Variants in LRRIQ3 observed in about 807,000 individuals in gnomAD.
LRRIQ3 encodes the protein leucine rich repeats and IQ motif containing 3, also known as leucine-rich repeat and IQ domain-containing protein 3.
Under a neutral mutation model 59.3 loss-of-function variants are expected in LRRIQ3, and 75 were observed. The observed-to-expected ratio is 1.26, with a 90% CI of 1.05 to 1.53. The LOEUF is 1.53. LRRIQ3 is among the 40% of genes most tolerant of loss of function. The pLI is 0.00. For synonymous variants in LRRIQ3, 250 were observed against 231.3 expected, an observed-to-expected ratio of 1.08 and a Z score of -0.73; for missense variants, 831 against 710.0, an observed-to-expected ratio of 1.17 and a Z score of -1.94.
At chr1:74,151,698 C>A (rs1258023699) in intron 4 of LRRIQ3, among the ~76,000 whole-genome samples, 2 of 152,014 alleles carry the variant, frequency 1.3e-5, no homozygotes, top group Non-Finnish European at 2.9e-5. Flanking sequence ...CAAAACTAAC[C>A]AGCCAAAACT....
chr1:74,135,883 A>G (rs929163783), intron 4 of LRRIQ3, among the ~76,000 whole-genome samples: 1 of 151,862 alleles, frequency 6.6e-6, no homozygotes, highest in Non-Finnish European at 1.5e-5. Flanking sequence ...GCAAGATTGA[A>G]GGAATAAATA....
In LRRIQ3 at chr1:74,074,670, T is replaced by C; in HGVS notation, c.988A>G (p.Ile330Val). 1 of 1,317,980 alleles carries C rather than the reference T, an allele frequency of 7.6e-7. No individual in the cohort carries two copies. 81.6% of individuals were successfully genotyped at this position (1,317,980 alleles called of 1,614,324 possible). Reference protein sequence around the residue: ...GMKSKTSRHLIQKGQESEDEI... With the variant: ...GMKSKTSRHLVQKGQESEDEI... ...AATTCATATAACTAACCTTTTTGAA[T>C]GAGATGTCTTGATGTTTTTGATTTC... Residue 330 changes from isoleucine to valine, a missense_variant, in exon 6 of 8, where the codon ATT (isoleucine) becomes GTT (valine). Ile to Val is a conservative substitution (Grantham distance 29). Coordinates refer to ENST00000354431, the MANE Select transcript of LRRIQ3 (RefSeq NM_001105659.2).
chr1:74,112,171 T>G (rs554004054), intron 4 of LRRIQ3, among the ~76,000 whole-genome samples: 1 of 152,106 alleles, frequency 6.6e-6, no homozygotes, highest in Admixed American at 6.6e-5. Context: ...AGCCACTGCC[T>G]CCTCCTTCTG....
chr1:74,158,836 T>A (rs1348852801), intron 3 of LRRIQ3, among the ~76,000 whole-genome samples: 1 of 152,086 alleles, frequency 6.6e-6, no homozygotes, highest in Non-Finnish European at 1.5e-5. Flanking sequence ...TTCCCTTCTT[T>A]AACAATTAGC....
chr1:74,154,443 A>C (rs1014621443), intron 4 of LRRIQ3, among the ~76,000 whole-genome samples: 1 of 151,968 alleles, frequency 6.6e-6, no homozygotes, highest in African/African-American at 2.4e-5. Context: ...ACAGAGCTTT[A>C]AAGAGAGAGA....
At chr1:74,131,655 G>C (rs1280623109) in intron 4 of LRRIQ3, among the ~76,000 whole-genome samples, 1 of 152,060 alleles carries the variant, frequency 6.6e-6, no homozygotes, top group African/African-American at 2.4e-5. Flanking sequence ...TGCAGAAAAG[G>C]CCTTTGACAA....
chr1:74,078,011 TTGGTAGCAC>T (rs1259709098), intron 5 of LRRIQ3, among the ~76,000 whole-genome samples: 5 of 151,926 alleles, frequency 3.3e-5, no homozygotes, highest in African/African-American at 1.2e-4. Flanking sequence ...TTAAGGATAT[TTGGTAGCAC>T]TTAGTAAAGG....
At chr1:74,191,210 C>T in intron 1 of LRRIQ3, among the ~76,000 whole-genome samples, 1 of 152,160 alleles carries the variant, frequency 6.6e-6, no homozygotes, top group African/African-American at 2.4e-5. Flanking sequence ...CAAAATTATT[C>T]TTTAAAAGTG....
chr1:74,033,218 C>A (rs1274323422), intron 7 of LRRIQ3, among the ~76,000 whole-genome samples: 1 of 151,772 alleles, frequency 6.6e-6, no homozygotes, highest in Non-Finnish European at 1.5e-5. Flanking sequence ...ACATTTTTAT[C>A]CAAATACAGG....
Position 74,097,043 on chromosome 1 carries a change from C to A in LRRIQ3, c.867+12351G>T, listed in dbSNP as rs186207299. On this transcript the variant is annotated intron_variant, in intron 5 of 7. Coordinates refer to ENST00000354431, the MANE Select transcript of LRRIQ3 (RefSeq NM_001105659.2). The stretch of plus-strand genomic sequence containing the variant: ...CTGTCTGTTCTCAGATCTCAAACTC[C>A]ATGCTGGGAGAACCACTACTCTCTT... 3.1e-3 allele frequency among the ~76,000 whole-genome samples: 469 copies of A among 152,204 alleles called. 1 individual carries two copies. Among genetic ancestry groups the A allele is most frequent in the African/African-American group, 0.011 (444 of 41,558 alleles).
At chr1:74,050,664 G>A in intron 6 of LRRIQ3, 1 of 719,282 alleles carries the variant, frequency 1.4e-6, no homozygotes, top group Non-Finnish European at 1.7e-6. Flanking sequence ...GCTTTCCTCA[G>A]CAAACTGGCC....
intron 1 of LRRIQ3, among the ~76,000 whole-genome samples, chr1:74,185,663 G>T (rs1650318218): frequency 6.6e-6 from 1 of 152,014 alleles, no homozygotes; most frequent in Non-Finnish European, 1.5e-5. Context: ...CCTTGAAAGG[G>T]CCGGGCGCAG....
At chr1:74,095,355 C>T (rs1011043775) in intron 5 of LRRIQ3, among the ~76,000 whole-genome samples, 4 of 152,052 alleles carry the variant, frequency 2.6e-5, no homozygotes, top group Non-Finnish European at 2.9e-5. Context: ...ATGATTACTC[C>T]CAATTCTAAC....
At chr1:74,084,220 A>G (rs1335792151) in intron 5 of LRRIQ3, 7 of 1,545,770 alleles carry the variant, frequency 4.5e-6, no homozygotes, top group Non-Finnish European at 6.1e-6. Flanking sequence ...TTTTATCCTG[A>G]AGAAAAATAC....
intron 5 of LRRIQ3, among the ~76,000 whole-genome samples, chr1:74,088,120 A>C (rs755783508): frequency 6.6e-6 from 1 of 151,954 alleles, no homozygotes; most frequent in Non-Finnish European, 1.5e-5. Context: ...CAAAACAAAA[A>C]AAAACAATTG....
chr1:74,064,017 C>A (rs999637425), intron 6 of LRRIQ3, among the ~76,000 whole-genome samples: 1 of 151,676 alleles, frequency 6.6e-6, no homozygotes, highest in Non-Finnish European at 1.5e-5. Flanking sequence ...CTTAAGTTAT[C>A]AAAATGACAC....
chr1:74,123,673 ATG>A (rs1366406764), intron 4 of LRRIQ3, among the ~76,000 whole-genome samples: 2 of 152,036 alleles, frequency 1.3e-5, no homozygotes, highest in Non-Finnish European at 2.9e-5. Context: ...CATTGTGTAT[ATG>A]TACCACATTT....
intron 4 of LRRIQ3, among the ~76,000 whole-genome samples, chr1:74,128,729 T>A (rs1646970777): frequency 6.6e-6 from 1 of 152,046 alleles, no homozygotes; most frequent in Non-Finnish European, 1.5e-5. Flanking sequence ...GTTGTTTGTA[T>A]GTGTGCTTCT....
At chr1:74,130,854 T>G (rs1240069319) in intron 4 of LRRIQ3, among the ~76,000 whole-genome samples, 1 of 152,030 alleles carries the variant, frequency 6.6e-6, no homozygotes, top group Non-Finnish European at 1.5e-5. Flanking sequence ...ATTCAAAAGA[T>G]AGCAGAAGGC....
Sources: gnomAD v4.1 joint callset for allele counts (sites outside exome capture counted in the v4.1 genomes callset) on GRCh38, gnomAD v4.1.1 for gene constraint, MANE v1.5 for transcripts, NCBI Gene and HGNC (gene_info 2026-07-23, HGNC 2026-07-21) for gene names.